Variants in GABRE observed in about 807,000 individuals in gnomAD.
The protein encoded by GABRE is gamma-aminobutyric acid receptor subunit epsilon.
GABRE carries 20 observed loss-of-function variants against 31.0 expected under a neutral mutation model. The observed-to-expected ratio is 0.64, with a 90% CI of 0.45 to 0.94. The LOEUF is 0.94. GABRE is among the 40% of genes least tolerant of loss of function. The pLI is 0.00. For missense variants in GABRE, 420 were observed against 410.7 expected, an observed-to-expected ratio of 1.02 and a Z score of -0.20; for synonymous variants, 155 against 150.6, an observed-to-expected ratio of 1.03 and a Z score of -0.21.
At position 151,954,816 on chromosome X, in the gene GABRE, T is replaced by C. The variant is rs1168501940; in HGVS notation, c.1406A>G (p.Gln469Arg). Residue 469 changes from glutamine to arginine, a missense_variant, in exon 9 of 9, where the codon CAG (glutamine) becomes CGG (arginine). Coordinates refer to ENST00000370328, the MANE Select transcript of GABRE (RefSeq NM_004961.4). ...MVPDCEGSTW[Q>R]QGRLCIHVYR... is the part of the protein sequence containing the mutation. Reference sequence around the variant, plus strand: ...GACATGGATGCAGAGGCGGCCCTGCTGCCAGGTACTGCCCTCACAATCGGG... The same window carrying C: ...GACATGGATGCAGAGGCGGCCCTGCCGCCAGGTACTGCCCTCACAATCGGG... The C allele has an allele frequency of 8.3e-7, 1 of 1,210,444 alleles. No individual in the cohort carries two copies. The highest frequency in any genetic ancestry group is 1.1e-6 in the Non-Finnish European group (1 of 895,191).
intron 3 of GABRE, among the ~76,000 whole-genome samples, chrX:151,969,142 G>A (rs768085532): frequency 8.9e-6 from 1 of 111,832 alleles, no homozygotes; most frequent in East Asian, 2.8e-4. Flanking sequence ...ACCATGGAGG[G>A]CCTTCAACTG....
intron 3 of GABRE, among the ~76,000 whole-genome samples, chrX:151,966,831 T>C (rs140024973): frequency 2.2e-3 from 249 of 112,256 alleles, no homozygotes; most frequent in African/African-American, 7.7e-3. Flanking sequence ...ATAAAGTTGC[T>C]GTCTCTTTTC....
intron 1 of GABRE, chrX:151,971,793 G>A (rs1934701440): frequency 9.0e-6 from 1 of 111,534 alleles, no homozygotes; most frequent in Admixed American, 9.7e-5. Flanking sequence ...TTCCTTTGGG[G>A]AGGAAAGTGT....
Position 151,972,552 on chromosome X carries a change from C to G in GABRE, c.56+2018G>C, listed in dbSNP as rs191052856. The G allele has an allele frequency of 1.1e-5, 8 of 751,706 alleles. No homozygotes were observed. In the East Asian group the frequency reaches 7.7e-4, roughly 72 times the overall value. 61.9% of individuals were successfully genotyped at this position (751,706 alleles called of 1,213,427 possible). A position where few individuals can be genotyped will look rare whatever the true frequency, so the allele number is the denominator to read the frequency against. Reference sequence around the variant, plus strand: ...CTCCCAGATGTCTGAAATCCATGGACGAGATCCTCCCCGCTGCCCCAAGTT... The same window carrying G: ...CTCCCAGATGTCTGAAATCCATGGAGGAGATCCTCCCCGCTGCCCCAAGTT... On this transcript the variant is annotated intron_variant, in intron 1 of 8. Transcript: ENST00000370328.
intron 6 of GABRE, chrX:151,956,106 G>A: frequency 2.8e-6 from 1 of 363,320 alleles, no homozygotes; most frequent in African/African-American, 2.5e-5. Context: ...TCAGTTCACT[G>A]TCCTACACCC....
At position 151,955,939 on chromosome X, in the gene GABRE, C is replaced by G; in HGVS notation, c.785-79G>C. The G allele has an allele frequency of 4.0e-6, 4 of 1,000,289 alleles. No individual in the cohort carries two copies. In the South Asian group the frequency reaches 8.4e-5, roughly 21 times the overall value. 82.4% of individuals were successfully genotyped at this position (1,000,289 alleles called of 1,213,427 possible). ...TTAGCAGGACGTGAACAGTAAGGGT[C>G]TCATTTTTCAGCTCACAGTATTCCC... On this transcript the variant is annotated intron_variant, in intron 6 of 8. Transcript: ENST00000370328.
At chrX:151,972,237 C>G in intron 1 of GABRE, 1 of 753,732 alleles carries the variant, frequency 1.3e-6, no homozygotes, top group Non-Finnish European at 1.6e-6. Flanking sequence ...CACCATTTCT[C>G]ATGTCTGAAG....
intron 8 of GABRE, 87 bp from the exon 9 acceptor site, chrX:151,955,171 C>A (rs1274993073): frequency 8.5e-7 from 1 of 1,172,336 alleles, no homozygotes; most frequent in Non-Finnish European, 1.1e-6. Flanking sequence ...TGGAAACTGT[C>A]TTTGGCACAC....
At position 151,954,588 on chromosome X, in the gene GABRE, GA is replaced by G; in HGVS notation, c.*112del. The G allele has an allele frequency of 3.5e-6, 2 of 565,316 alleles. No homozygotes were observed. The allele number at this position is 565,316 out of a possible 1,213,427, so 46.6% of individuals were successfully genotyped here. A position where few individuals can be genotyped will look rare whatever the true frequency, so the allele number is the denominator to read the frequency against. On this transcript the variant is annotated 3_prime_UTR_variant, in exon 9 of 9. Coordinates refer to ENST00000370328, the MANE Select transcript of GABRE (RefSeq NM_004961.4). ...AGCTTCTGTTTGGGGAATGGGGCAG[GA>G]AAAACTCTAGTCGCTCCTGCTGCTG... is the stretch of plus-strand genomic sequence containing the variant.
intron 1 of GABRE, chrX:151,972,339 C>T: frequency 1.3e-6 from 1 of 753,792 alleles, no homozygotes. Flanking sequence ...GTCCTCTTTC[C>T]CTGAGGCCAA....
chrX:151,962,676 G>C (rs372815058), intron 3 of GABRE, 33 bp from the exon 4 acceptor site: 72 of 1,102,489 alleles, frequency 6.5e-5, no homozygotes, highest in Non-Finnish European at 8.9e-5. Context: ...ACATACTTGG[G>C]GATGAACAGA....
intron 2 of GABRE, 58 bp downstream of exon 2, chrX:151,970,127 C>T: frequency 8.4e-7 from 1 of 1,197,386 alleles, no homozygotes; most frequent in Non-Finnish European, 1.1e-6. Flanking sequence ...ATTCTCCATG[C>T]CTATGCCCTC....
chrX:151,964,653 A>C (rs957957683), intron 3 of GABRE, among the ~76,000 whole-genome samples: 15 of 111,296 alleles, frequency 1.3e-4, no homozygotes, highest in African/African-American at 4.6e-4. Context: ...AATTGTTTTA[A>C]AAATTTACAA....
chrX:151,969,525 G>T (rs751539686), intron 3 of GABRE, 144 bp downstream of exon 3: 3 of 515,271 alleles, frequency 5.8e-6, no homozygotes, highest in Admixed American at 5.2e-5. Context: ...TCTCAAACCA[G>T]TGGTTAAAAA....
intron 5 of GABRE, 125 bp downstream of exon 5, chrX:151,961,158 G>A (rs1686353221): frequency 2.0e-6 from 1 of 500,730 alleles, no homozygotes; most frequent in African/African-American, 2.4e-5. Flanking sequence ...GAGGATGGAA[G>A]TCCTGCACAA....
At chrX:151,972,705 C>G in intron 1 of GABRE, 1 of 728,417 alleles carries the variant, frequency 1.4e-6, no homozygotes, top group Non-Finnish European at 1.6e-6. Flanking sequence ...CTAAAATTGG[C>G]TTTTGCCAGT....
chrX:151,972,727 A>AC (rs1934748645), intron 1 of GABRE: 18 of 688,544 alleles, frequency 2.6e-5, no homozygotes, highest in Non-Finnish European at 3.1e-5. Context: ...AAAAAAAAAA[A>AC]ACACAACAAT....
Position 151,974,578 on chromosome X carries a change from G to T in GABRE, c.48C>A (p.Leu16=). 8.5e-7 allele frequency: 1 copy of T among 1,176,390 alleles called. No homozygotes were observed. The highest frequency in any genetic ancestry group is 3.2e-5 in the East Asian group (1 of 30,779). ...CCGGGATGGAGACTCACCTCGACTG[G>T]AGGATCAATAAGATGCCTAGGAGGA... ...LPVLLGILLI[L]QSRVEGPQTE... The change falls in exon 1 of 9, where the codon CTC becomes CTA. Residue 16 remains leucine (L), a synonymous_variant. Coordinates refer to ENST00000370328, the MANE Select transcript of GABRE (RefSeq NM_004961.4).
At chrX:151,970,085 G>T in intron 2 of GABRE, 100 bp downstream of exon 2, 1 of 1,158,265 alleles carries the variant, frequency 8.6e-7, no homozygotes, top group South Asian at 2.1e-5. Context: ...TCCTGTCCAT[G>T]AGCATGGCAC....
Sources: gnomAD v4.1 joint callset for allele counts (sites outside exome capture counted in the v4.1 genomes callset) on GRCh38, gnomAD v4.1.1 for gene constraint, MANE v1.5 for transcripts, NCBI Gene and HGNC (gene_info 2026-07-23, HGNC 2026-07-21) for gene names.